ZNRF2: variants seen among roughly 807,000 people sequenced by gnomAD.
ZNRF2 encodes the protein E3 ubiquitin-protein ligase ZNRF2.
In ZNRF2, 16 loss-of-function variants were observed where a neutral mutation model predicts 20.4. That is an observed-to-expected ratio of 0.79 (90% CI 0.53 to 1.19). The LOEUF (loss-of-function observed/expected upper bound fraction) is 1.19. ZNRF2 is among the 50% of genes most tolerant of loss of function. ZNRF2 has a pLI of 0.00. For synonymous variants in ZNRF2, 178 were observed against 144.9 expected (o/e 1.23, Z -1.64); for missense variants, 363 against 332.4 (o/e 1.09, Z -0.72).
intron 2 of ZNRF2, among the ~76,000 whole-genome samples, chr7:30,342,963 A>G (rs1004574678): frequency 1.3e-5 from 2 of 151,944 alleles, no homozygotes; most frequent in African/African-American, 2.4e-5. Flanking sequence ...TGTCTGTACT[A>G]GTTTTATATT....
In ZNRF2 at chr7:30,284,995, G is replaced by T. The variant is rs1200356372; in HGVS notation, c.-363G>T. 5.3e-6 allele frequency: 2 copies of T among 376,022 alleles called. No individual in the cohort carries two copies. Among genetic ancestry groups the T allele is most frequent in the African/African-American group, 2.2e-5 (1 of 45,022 alleles). 23.3% of individuals were successfully genotyped at this position (376,022 alleles called of 1,614,324 possible). On this transcript the variant is annotated 5_prime_UTR_variant, in exon 1 of 5. Coordinates refer to ENST00000323037, the MANE Select transcript of ZNRF2 (RefSeq NM_147128.4). Reference sequence around the variant, plus strand: ...GCCGAGATCGGGGGCGCCGAGCGCGGCAGCAGAGAGCGGTAGCGGCCCGTC... The same window carrying T: ...GCCGAGATCGGGGGCGCCGAGCGCGTCAGCAGAGAGCGGTAGCGGCCCGTC...
chr7:30,286,426 A>T (rs1250954170), intron 1 of ZNRF2, among the ~76,000 whole-genome samples: 1 of 152,250 alleles, frequency 6.6e-6, no homozygotes, highest in Non-Finnish European at 1.5e-5. Context: ...ATCACAGTTA[A>T]TGTGAGTCCT....
intron 1 of ZNRF2, among the ~76,000 whole-genome samples, chr7:30,291,796 A>G (rs989758098): frequency 2.0e-5 from 3 of 152,228 alleles, no homozygotes; most frequent in African/African-American, 4.8e-5. Context: ...GAATCCAGAA[A>G]GTGGATAAGA....
At chr7:30,341,352 C>T (rs554564503) in intron 2 of ZNRF2, among the ~76,000 whole-genome samples, 4 of 151,978 alleles carry the variant, frequency 2.6e-5, no homozygotes, top group Non-Finnish European at 4.4e-5. Flanking sequence ...AGATCTTTCC[C>T]GCTTTCTCCT....
chr7:30,312,334 A>C (rs1369484889), intron 1 of ZNRF2, among the ~76,000 whole-genome samples: 1 of 152,142 alleles, frequency 6.6e-6, no homozygotes, highest in Non-Finnish European at 1.5e-5. Context: ...TTACATCCTG[A>C]TAGTTGACAG....
At chr7:30,329,679 A>G (rs1231399335) in intron 2 of ZNRF2, among the ~76,000 whole-genome samples, 1 of 152,194 alleles carries the variant, frequency 6.6e-6, no homozygotes, top group Non-Finnish European at 1.5e-5. Context: ...GTTTATAGAT[A>G]CCACGTTTTC....
intron 3 of ZNRF2, among the ~76,000 whole-genome samples, chr7:30,360,418 A>G (rs1800107882): frequency 6.6e-6 from 1 of 152,330 alleles, no homozygotes; most frequent in Non-Finnish European, 1.5e-5. Flanking sequence ...AAAACAGGCC[A>G]GGCGCAGTGG....
intron 2 of ZNRF2, among the ~76,000 whole-genome samples, chr7:30,334,397 C>T (rs1008982747): frequency 6.6e-6 from 1 of 152,052 alleles, no homozygotes; most frequent in Non-Finnish European, 1.5e-5. Context: ...GTTCCTATAG[C>T]CTTGTAGTAT....
At chr7:30,290,774 T>A (rs1179984009) in intron 1 of ZNRF2, among the ~76,000 whole-genome samples, 3 of 152,242 alleles carry the variant, frequency 2.0e-5, no homozygotes, top group Admixed American at 2.0e-4. Flanking sequence ...CAGCTGAACA[T>A]GTAACTTCTT....
chr7:30,344,432 CT>C (rs1799845824), intron 2 of ZNRF2, among the ~76,000 whole-genome samples: 1 of 148,388 alleles, frequency 6.7e-6, no homozygotes, highest in Admixed American at 6.7e-5. Flanking sequence ...TATTTTTCTC[CT>C]TCCTTCCCGT....
chr7:30,284,994 G>A lies in ZNRF2; in HGVS notation c.-364G>A, dbSNP rs2128052718. The A allele has an allele frequency of 5.3e-6, 2 of 375,542 alleles. No homozygotes were observed. The highest frequency in any genetic ancestry group is 1.1e-5 in the Non-Finnish European group (2 of 189,264). 23.3% of individuals were successfully genotyped at this position (375,542 alleles called of 1,614,324 possible). On this transcript the variant is annotated 5_prime_UTR_variant, in exon 1 of 5. Transcript: ENST00000323037. ...TGCCGAGATCGGGGGCGCCGAGCGCGGCAGCAGAGAGCGGTAGCGGCCCGT... is the reference window on the plus strand; with the variant it reads ...TGCCGAGATCGGGGGCGCCGAGCGCAGCAGCAGAGAGCGGTAGCGGCCCGT...
intron 2 of ZNRF2, among the ~76,000 whole-genome samples, chr7:30,336,090 T>C (rs1799712641): frequency 6.6e-6 from 1 of 152,174 alleles, no homozygotes; most frequent in African/African-American, 2.4e-5. Flanking sequence ...GATTATGATT[T>C]TTCTAAAGAA....
chr7:30,320,126 A>G, intron 1 of ZNRF2, among the ~76,000 whole-genome samples: 1 of 152,098 alleles, frequency 6.6e-6, no homozygotes, highest in African/African-American at 2.4e-5. Context: ...AAGATAATAC[A>G]CTTCTTGAGT....
intron 2 of ZNRF2, among the ~76,000 whole-genome samples, chr7:30,332,565 ATCTTTATG>A (rs1478226165): frequency 3.3e-5 from 5 of 151,912 alleles, no homozygotes; most frequent in African/African-American, 1.2e-4. Flanking sequence ...TGTTGTTTCT[ATCTTTATG>A]TCTGTGTGTA....
At chr7:30,333,904 C>T (rs758231681) in intron 2 of ZNRF2, among the ~76,000 whole-genome samples, 2 of 152,038 alleles carry the variant, frequency 1.3e-5, no homozygotes, top group Non-Finnish European at 2.9e-5. Context: ...AGTCCTTTGT[C>T]GATGCACAGC....
intron 2 of ZNRF2, among the ~76,000 whole-genome samples, chr7:30,340,306 G>C (rs958717049): frequency 6.6e-6 from 1 of 152,204 alleles, no homozygotes; most frequent in African/African-American, 2.4e-5. Flanking sequence ...TGGTGAGAGA[G>C]AGCATCCTTG....
intron 2 of ZNRF2, among the ~76,000 whole-genome samples, chr7:30,339,385 G>C (rs894356119): frequency 1.3e-5 from 2 of 152,136 alleles, no homozygotes; most frequent in Admixed American, 6.6e-5. Flanking sequence ...TTCTTCTAGG[G>C]TTTTTATGGT....
At chr7:30,322,096 C>G (rs531505397) in intron 1 of ZNRF2, among the ~76,000 whole-genome samples, 2 of 152,024 alleles carry the variant, frequency 1.3e-5, no homozygotes, top group South Asian at 2.1e-4. Flanking sequence ...ATGCGTTGGA[C>G]AAACTTGTTT....
At chr7:30,344,072 A>G (rs1799839511) in intron 2 of ZNRF2, among the ~76,000 whole-genome samples, 2 of 151,782 alleles carry the variant, frequency 1.3e-5, no homozygotes, top group South Asian at 2.1e-4. Context: ...GGCGCCTGCC[A>G]TCATACACCC....
Sources: allele counts gnomAD v4.1 joint callset (sites outside exome capture counted in the v4.1 genomes callset), GRCh38; gene constraint gnomAD v4.1.1; transcripts MANE v1.5; gene names NCBI Gene and HGNC (gene_info 2026-07-23, HGNC 2026-07-21).